LIMCH1: variants seen among roughly 807,000 people sequenced by gnomAD.
LIMCH1 encodes the protein LIM and calponin homology domains-containing protein 1.
LIMCH1 carries 113 observed loss-of-function variants against 176.5 expected under a neutral mutation model. That is an observed-to-expected ratio of 0.64 (90% confidence interval 0.55 to 0.75). The LOEUF is 0.75. Among genes scored for constraint, LIMCH1 ranks in the 30% least tolerant of loss-of-function variants. LIMCH1 has a pLI of 0.00. For missense variants in LIMCH1, 1,674 were observed against 1,814.9 expected, an observed-to-expected ratio of 0.92 and a Z score of 1.41; for synonymous variants, 619 against 645.9, an observed-to-expected ratio of 0.96 and a Z score of 0.63.
At chr4:41,685,929 C>A in intron 28 of LIMCH1, 99 bp downstream of exon 28, 1 of 1,308,448 alleles carries the variant, frequency 7.6e-7, no homozygotes, top group Non-Finnish European at 1.0e-6. Context: ...AAGAGGACAG[C>A]AGCATTTTTG....
chr4:41,590,805 A>T (rs1319010448), intron 1 of LIMCH1, among the ~76,000 whole-genome samples: 2 of 152,172 alleles, frequency 1.3e-5, no homozygotes, highest in East Asian at 3.9e-4. Flanking sequence ...ATAAAAATGC[A>T]TTGAAAGTCT....
chr4:41,605,453 A>G (rs1181873495), intron 3 of LIMCH1, among the ~76,000 whole-genome samples: 1 of 152,142 alleles, frequency 6.6e-6, no homozygotes, highest in Admixed American at 6.6e-5. Flanking sequence ...GCCTTAGCGG[A>G]ACCTCTGTGC....
chr4:41,378,625 A>G (rs1157109798), intron 1 of LIMCH1, among the ~76,000 whole-genome samples: 1 of 152,162 alleles, frequency 6.6e-6, no homozygotes, highest in Non-Finnish European at 1.5e-5. Flanking sequence ...GATGGCCAGC[A>G]TGGAAGCAGG....
At chr4:41,474,079 G>A (rs1265857483) in intron 1 of LIMCH1, among the ~76,000 whole-genome samples, 1 of 152,120 alleles carries the variant, frequency 6.6e-6, no homozygotes, top group Non-Finnish European at 1.5e-5. Flanking sequence ...TCGGGAGGTT[G>A]AGACATGATA....
intron 2 of LIMCH1, among the ~76,000 whole-genome samples, chr4:41,509,957 A>G (rs1382137344): frequency 1.3e-5 from 2 of 152,230 alleles, no homozygotes; most frequent in Non-Finnish European, 2.9e-5. Flanking sequence ...AATATTCTCA[A>G]GCTCATCCAT....
intron 31 of LIMCH1, among the ~76,000 whole-genome samples, chr4:41,696,524 T>G (rs375069240): frequency 1.3e-5 from 2 of 152,192 alleles, no homozygotes; most frequent in East Asian, 3.8e-4. Flanking sequence ...TTAAACCAAG[T>G]TAAAGTTGAA....
chr4:41,534,638 A>G (rs2077677788), upstream of LIMCH1, among the ~76,000 whole-genome samples: 1 of 152,188 alleles, frequency 6.6e-6, no homozygotes, highest in Admixed American at 6.5e-5. Flanking sequence ...AAAAAATTGG[A>G]CTAGGTTAAT....
At chr4:41,673,474 A>G (rs956704460) in intron 22 of LIMCH1, among the ~76,000 whole-genome samples, 4 of 152,222 alleles carry the variant, frequency 2.6e-5, no homozygotes, top group African/African-American at 9.6e-5. Flanking sequence ...TGAAAATTTC[A>G]TGTGCTTTTG....
intron 31 of LIMCH1, among the ~76,000 whole-genome samples, chr4:41,695,922 A>G (rs1172610573): frequency 6.6e-6 from 1 of 152,198 alleles, no homozygotes; most frequent in East Asian, 1.9e-4. Flanking sequence ...AATGGGAAAA[A>G]AAAAGGCTAA....
rs548718339 is a variant in LIMCH1, at chr4:41,360,806, C to T, written c.-35C>T. 8.7e-6 allele frequency: 13 copies of T among 1,490,510 alleles called. No homozygotes were observed. In the East Asian group the frequency reaches 2.9e-4, roughly 33 times the overall value. 92.3% of individuals were successfully genotyped at this position (1,490,510 alleles called of 1,614,324 possible). A position where few individuals can be genotyped will look rare whatever the true frequency, so the allele number is the denominator to read the frequency against. ...CGGCGGCGACGGCGGCGGCCGTCCT[C>T]ATCCCGGCGCTTGAGAGGACGCGGG... On this transcript the variant is annotated 5_prime_UTR_variant, in exon 1 of 27. Coordinates refer to the LIMCH1 transcript ENST00000313860. This position sits in a 1 kb window ranked among gnomAD's most constrained non-coding sequence, Gnocchi z 4.5.
At chr4:41,419,658 T>C (rs866256864) in intron 1 of LIMCH1, among the ~76,000 whole-genome samples, 1 of 80,694 alleles carries the variant, frequency 1.2e-5, no homozygotes, top group African/African-American at 7.3e-5. Flanking sequence ...TCCTCCTTCC[T>C]TCCTTCCTTC....
chr4:41,382,017 CCT>C (rs1436918413), intron 1 of LIMCH1, among the ~76,000 whole-genome samples: 1 of 152,194 alleles, frequency 6.6e-6, no homozygotes, highest in Non-Finnish European at 1.5e-5. Flanking sequence ...GGCAAAACAT[CCT>C]CTGATTGAGA....
intron 1 of LIMCH1, among the ~76,000 whole-genome samples, chr4:41,584,271 A>G (rs6839013): frequency 0.35 from 52,549 of 151,908 alleles, 14,490 homozygotes; most frequent in African/African-American, 0.77. Context: ...TTTGTCTCAC[A>G]TGTCTTGGGG....
intron 1 of LIMCH1, among the ~76,000 whole-genome samples, chr4:41,420,489 T>G (rs1480135195): frequency 6.6e-6 from 1 of 152,224 alleles, no homozygotes; most frequent in Non-Finnish European, 1.5e-5. Context: ...CCTCTTGAGA[T>G]TACCAGTGGG....
intron 1 of LIMCH1, among the ~76,000 whole-genome samples, chr4:41,494,209 A>G (rs953459925): frequency 6.6e-6 from 1 of 151,880 alleles, no homozygotes; most frequent in Non-Finnish European, 1.5e-5. Flanking sequence ...GCAAAGCTAC[A>G]CATGGGAAGG....
At chr4:41,553,936 T>C (rs1053419922) in intron 1 of LIMCH1, among the ~76,000 whole-genome samples, 25 of 152,290 alleles carry the variant, frequency 1.6e-4, no homozygotes, top group Admixed American at 5.9e-4. Context: ...CCTAAGTGAA[T>C]TCTCAAGCTC....
At chr4:41,372,033 A>C (rs756768089) in intron 1 of LIMCH1, among the ~76,000 whole-genome samples, 1 of 152,184 alleles carries the variant, frequency 6.6e-6, no homozygotes, top group Admixed American at 6.6e-5. Flanking sequence ...AGTAGAGGTG[A>C]ACACAACCAG....
Position 41,698,901 on chromosome 4 carries a change from G to C in LIMCH1, c.*1716G>C, listed in dbSNP as rs1160144901. 6.6e-6 allele frequency: 1 copy of C among 152,570 alleles called. No individual in the cohort carries two copies. The highest frequency in any genetic ancestry group is 2.4e-5 in the African/African-American group (1 of 41,438). 9.5% of individuals were successfully genotyped at this position (152,570 alleles called of 1,614,324 possible). On this transcript the variant is annotated 3_prime_UTR_variant, in exon 32 of 32. Coordinates refer to ENST00000503057, the MANE Select transcript of LIMCH1 (RefSeq NM_001330672.2). Reference sequence around the variant, plus strand: ...CACATGGCGATAAATTATGGATGCAGTACATTGAAGAGAGATGAAGTCACT... The same window carrying C: ...CACATGGCGATAAATTATGGATGCACTACATTGAAGAGAGATGAAGTCACT...
intron 1 of LIMCH1, among the ~76,000 whole-genome samples, chr4:41,573,725 A>C (rs1010418702): frequency 6.6e-5 from 10 of 152,100 alleles, no homozygotes; most frequent in African/African-American, 2.4e-4. Context: ...ATCATTTTTT[A>C]GGACAAATTC....
Sources: gnomAD v4.1 joint callset for allele counts (sites outside exome capture counted in the v4.1 genomes callset) on GRCh38, gnomAD v4.1.1 for gene constraint, Gnocchi (gnomAD v3.1) non-coding constraint, MANE v1.5 for transcripts, NCBI Gene and HGNC (gene_info 2026-07-23, HGNC 2026-07-21) for gene names.